The following CCSER1 variants were observed in gnomAD, a reference collection of about 807,000 sequenced individuals.
CCSER1 encodes the protein coiled-coil serine rich protein 1.
A neutral mutation model predicts 82.0 loss-of-function variants in CCSER1; 41 were observed. The ratio of observed to expected loss-of-function variants is 0.50; its 90% CI spans 0.39 to 0.65. The LOEUF (loss-of-function observed/expected upper bound fraction) is 0.65. Among genes scored for constraint, CCSER1 ranks in the 30% least tolerant of loss-of-function variants. The pLI, the probability that CCSER1 is intolerant of heterozygous loss-of-function variation, is 0.00. For synonymous variants in CCSER1, 414 were observed against 383.9 expected (o/e 1.08, Z -0.92); for missense variants, 1,119 against 1,064.2 (o/e 1.05, Z -0.72).
chr4:91,364,215 A>G (rs1363920647), intron 10 of CCSER1, among the ~76,000 whole-genome samples: 1 of 152,072 alleles, frequency 6.6e-6, no homozygotes, highest in African/African-American at 2.4e-5. Flanking sequence ...AGCATAGTGC[A>G]GTAGCTCCTT....
At chr4:90,543,444 A>G (rs1776353556) in intron 5 of CCSER1, among the ~76,000 whole-genome samples, 1 of 152,190 alleles carries the variant, frequency 6.6e-6, no homozygotes, top group African/African-American at 2.4e-5. Flanking sequence ...CTAGATCAGA[A>G]TTAGATTTGG....
At chr4:90,437,034 G>A (rs192375731) in intron 4 of CCSER1, among the ~76,000 whole-genome samples, 1 of 152,102 alleles carries the variant, frequency 6.6e-6, no homozygotes, top group East Asian at 1.9e-4. Flanking sequence ...TGTTAGCCAG[G>A]ATGGTCTCAA....
chr4:90,855,860 T>C (rs1764405193), intron 8 of CCSER1, among the ~76,000 whole-genome samples: 1 of 152,166 alleles, frequency 6.6e-6, no homozygotes. Flanking sequence ...TTTAAATATT[T>C]ATCTACTTGT....
intron 3 of CCSER1, among the ~76,000 whole-genome samples, chr4:90,377,093 G>T (rs923037793): frequency 2.3e-4 from 35 of 152,156 alleles, no homozygotes; most frequent in African/African-American, 7.7e-4. Context: ...CTGTCACTCT[G>T]GTTATTGCTA....
intron 10 of CCSER1, among the ~76,000 whole-genome samples, chr4:91,095,133 A>C (rs1165958050): frequency 1.3e-5 from 2 of 152,032 alleles, no homozygotes; most frequent in African/African-American, 4.8e-5. Flanking sequence ...CTTGCCCCCT[A>C]TTGTCATCCT....
chr4:91,351,848 G>T (rs2149300835), intron 10 of CCSER1, among the ~76,000 whole-genome samples: 1 of 151,942 alleles, frequency 6.6e-6, no homozygotes, highest in Non-Finnish European at 1.5e-5. Context: ...TTTTCAAGTT[G>T]CATTCCTTTG....
chr4:91,274,074 T>C (rs1742236762), intron 10 of CCSER1, among the ~76,000 whole-genome samples: 1 of 152,192 alleles, frequency 6.6e-6, no homozygotes, highest in South Asian at 2.1e-4. Context: ...GTTTATAAAG[T>C]CTGGGTTCAG....
chr4:90,367,815 A>G (rs28496598), intron 3 of CCSER1, among the ~76,000 whole-genome samples: 41,253 of 151,708 alleles, frequency 0.27, 6,835 homozygotes, highest in African/African-American at 0.46. Flanking sequence ...GACAAACTAG[A>G]TGGACAGAGT....
At chr4:91,272,054 A>G (rs1406816060) in intron 10 of CCSER1, among the ~76,000 whole-genome samples, 2 of 152,192 alleles carry the variant, frequency 1.3e-5, no homozygotes, top group African/African-American at 2.4e-5. Context: ...GCAATTGCAA[A>G]TTGTGCTGCT....
At chr4:91,103,060 C>T (rs967294181) in intron 10 of CCSER1, among the ~76,000 whole-genome samples, 7 of 152,058 alleles carry the variant, frequency 4.6e-5, no homozygotes, top group Non-Finnish European at 8.8e-5. Flanking sequence ...TGCTGTGTAA[C>T]GTATTTAGTT....
At chr4:90,290,644 GT>G (rs1313570552) in intron 1 of CCSER1, among the ~76,000 whole-genome samples, 2 of 151,810 alleles carry the variant, frequency 1.3e-5, no homozygotes, top group Non-Finnish European at 2.9e-5. Context: ...TCGCTCGCTT[GT>G]TTTTTGTTGA....
At chr4:90,913,610 C>T (rs1726791834) in intron 8 of CCSER1, among the ~76,000 whole-genome samples, 3 of 152,152 alleles carry the variant, frequency 2.0e-5, no homozygotes, top group Non-Finnish European at 4.4e-5. Context: ...CATCTAACAT[C>T]ATAATGACAG....
At chr4:90,406,099 T>C (rs1259359448) in intron 4 of CCSER1, among the ~76,000 whole-genome samples, 2 of 152,188 alleles carry the variant, frequency 1.3e-5, no homozygotes, top group Non-Finnish European at 2.9e-5. Context: ...TAAACAAGTT[T>C]GTTCTGTTTT....
chr4:90,257,446 C>T (rs1723524525), intron 1 of CCSER1, among the ~76,000 whole-genome samples: 1 of 151,850 alleles, frequency 6.6e-6, no homozygotes. Context: ...GGGATTTATG[C>T]TGGTGGAAAA....
intron 10 of CCSER1, among the ~76,000 whole-genome samples, chr4:91,557,608 TAGAGAAACTTACTGA>T (rs1309793738): frequency 6.6e-6 from 1 of 151,478 alleles, no homozygotes; most frequent in Non-Finnish European, 1.5e-5. Context: ...TTAGGGATAT[TAGAGAAACTTACTGA>T]AGAAGAGATA....
At chr4:91,303,730 G>T (rs1334567910) in intron 10 of CCSER1, among the ~76,000 whole-genome samples, 1 of 151,972 alleles carries the variant, frequency 6.6e-6, no homozygotes. Context: ...GGGAGGTCAA[G>T]GTTGCAGTGA....
intron 10 of CCSER1, among the ~76,000 whole-genome samples, chr4:91,158,567 G>T (rs1251633808): frequency 6.6e-6 from 1 of 151,748 alleles, no homozygotes; most frequent in Non-Finnish European, 1.5e-5. Flanking sequence ...ACTTTTCTAC[G>T]ATATTCAATG....
chr4:90,753,617 C>T (rs1325646222), intron 7 of CCSER1, among the ~76,000 whole-genome samples: 1 of 152,060 alleles, frequency 6.6e-6, no homozygotes, highest in Non-Finnish European at 1.5e-5. Context: ...TAGACTACTG[C>T]AGTGGTTTCT....
At chr4:90,992,421 T>C (rs1737115863) in intron 9 of CCSER1, among the ~76,000 whole-genome samples, 1 of 152,048 alleles carries the variant, frequency 6.6e-6, no homozygotes. Context: ...CTAGAAAGCC[T>C]ATTGCCAAGT....
Sources: gnomAD v4.1 joint callset for allele counts (sites outside exome capture counted in the v4.1 genomes callset) on GRCh38, gnomAD v4.1.1 for gene constraint, MANE v1.5 for transcripts, NCBI Gene and HGNC (gene_info 2026-07-23, HGNC 2026-07-21) for gene names.